Variants in RIPOR3 observed in about 807,000 individuals in gnomAD.
RIPOR3 encodes the protein family with sequence similarity 65 member C.
RIPOR3 carries 95 observed loss-of-function variants against 114.3 expected under a neutral mutation model. The observed-to-expected ratio is 0.83, with a 90% confidence interval of 0.70 to 0.99. RIPOR3 has a LOEUF of 0.99. RIPOR3 is among the 50% of genes least tolerant of loss of function. RIPOR3 has a pLI of 0.00. For synonymous variants in RIPOR3, 575 were observed against 543.8 expected (o/e 1.06, Z -0.80); for missense variants, 1,252 against 1,266.9 (o/e 0.99, Z 0.18).
chr20:50,620,135 G>C lies in RIPOR3; in HGVS notation c.123-3C>G. 1 of 1,613,552 alleles carries C rather than the reference G, an allele frequency of 6.2e-7. No homozygotes were observed. Among genetic ancestry groups the C allele is most frequent in the Non-Finnish European group, 8.5e-7 (1 of 1,179,924 alleles). On this transcript the variant is annotated splice_region_variant and splice_polypyrimidine_tract_variant and intron_variant, in intron 2 of 21. Transcript: ENST00000327979. The stretch of plus-strand genomic sequence containing the variant: ...CGGAGTTCCTGTTGATGGACTTTCT[G>C]TGAGAAGGGTTGGAGGGCAAGAGAA...
At position 50,604,675 on chromosome 20, in the gene RIPOR3, G is replaced by A. The variant is rs1257374811; in HGVS notation, c.1056C>T (p.Ser352=). The A allele has an allele frequency of 5.6e-6, 9 of 1,609,088 alleles. No individual in the cohort carries two copies. Among genetic ancestry groups the A allele is most frequent in the Non-Finnish European group, 7.6e-6 (9 of 1,178,124 alleles). The change falls in exon 12 of 22, where the codon AGC becomes AGT. Residue 352 remains serine (S), a synonymous_variant. Coordinates refer to ENST00000327979, the MANE Select transcript of RIPOR3 (RefSeq NM_001290268.2). Reference sequence around the variant, plus strand: ...AGTATCTCTCCCGGAAGCTGGGGGTGCTCGGGGGTGTCCAGTTGTACAAGG... The same window carrying A: ...AGTATCTCTCCCGGAAGCTGGGGGTACTCGGGGGTGTCCAGTTGTACAAGG... The part of the protein sequence containing the change: ...KGSLYNWTPP[S]TPSFRERYYL...
intron 13 of RIPOR3, among the ~76,000 whole-genome samples, chr20:50,600,908 CT>C (rs34436866): frequency 4.6e-5 from 7 of 152,172 alleles, no homozygotes; most frequent in Non-Finnish European, 8.8e-5. Flanking sequence ...AGAAATTAAA[CT>C]TTTTTTCCCC....
intron 1 of RIPOR3, chr20:50,653,105 C>G (rs1192980536): frequency 6.6e-6 from 1 of 152,108 alleles, no homozygotes; most frequent in African/African-American, 2.4e-5. Context: ...GACAGCCATA[C>G]AAAGGGACAC....
At chr20:50,610,424 A>G (rs1369218921) in intron 6 of RIPOR3, among the ~76,000 whole-genome samples, 2 of 152,190 alleles carry the variant, frequency 1.3e-5, no homozygotes, top group African/African-American at 4.8e-5. Flanking sequence ...TGTGGGGAGT[A>G]AAGCAAGATC....
rs200645158 is a variant in RIPOR3 at position 50,587,835 on chromosome 20, G to C, written c.2719C>G (p.Arg907Gly). 1.2e-6 allele frequency: 2 copies of C among 1,614,164 alleles called. No homozygotes were observed. The highest frequency in any genetic ancestry group is 8.5e-7 in the Non-Finnish European group (1 of 1,180,032). Residue 907 changes from arginine (R) to glycine (G), a missense_variant, in exon 21 of 22, where the codon CGG (arginine) becomes GGG (glycine). Coordinates refer to ENST00000327979, the MANE Select transcript of RIPOR3 (RefSeq NM_001290268.2). Reference sequence around the variant, plus strand: ...AGTGTGGTTTCCCGGGCTGCCGCCCGCACGGCCTCCAGGTCAGACTGGCAC... The same window carrying C: ...AGTGTGGTTTCCCGGGCTGCCGCCCCCACGGCCTCCAGGTCAGACTGGCAC... ...SLCQSDLEAVRAAARETTLSF... is the reference protein window; with the variant it reads ...SLCQSDLEAVGAAARETTLSF...
At chr20:50,650,972 GT>G (rs1222677736) in intron 1 of RIPOR3, among the ~76,000 whole-genome samples, 2 of 151,510 alleles carry the variant, frequency 1.3e-5, no homozygotes, top group Non-Finnish European at 2.9e-5. Flanking sequence ...CTGGCTTTTT[GT>G]TTTTTGTTTT....
intron 4 of RIPOR3, among the ~76,000 whole-genome samples, chr20:50,614,087 G>A (rs1461798111): frequency 6.6e-6 from 1 of 152,182 alleles, no homozygotes; most frequent in African/African-American, 2.4e-5. Flanking sequence ...CCAGGCTGGT[G>A]TGCAGTGGTA....
chr20:50,668,936 A>G (rs1009976353), intron 1 of RIPOR3, among the ~76,000 whole-genome samples: 4 of 151,976 alleles, frequency 2.6e-5, no homozygotes, highest in African/African-American at 7.3e-5. Context: ...CATGCACATG[A>G]CATGCATTCA....
At position 50,611,044 on chromosome 20, in the gene RIPOR3, G is replaced by C. The variant is rs879135387; in HGVS notation, c.372+137C>G. 9.2e-5 allele frequency: 141 copies of C among 1,530,760 alleles called. 1 individual carries two copies. In the South Asian group the frequency reaches 1.5e-3, roughly 17 times the overall value. 94.8% of individuals were successfully genotyped at this position (1,530,760 alleles called of 1,614,324 possible). A position where few individuals can be genotyped will look rare whatever the true frequency, so the allele number is the denominator to read the frequency against. ...ATCCCTGAGGAAGGCTCATCGCAGA[G>C]ACTCAGCCTTCCCATTCCTAAAATG... On this transcript the variant is annotated intron_variant, in intron 5 of 21. Coordinates refer to ENST00000327979, the MANE Select transcript of RIPOR3 (RefSeq NM_001290268.2).
At chr20:50,618,939 G>A (rs899418445) in intron 3 of RIPOR3, among the ~76,000 whole-genome samples, 18 of 152,220 alleles carry the variant, frequency 1.2e-4, no homozygotes, top group African/African-American at 4.1e-4. Flanking sequence ...GGCTGGGCGC[G>A]GTAGCTCACA....
At chr20:50,683,712 C>T (rs892875749) in intron 1 of RIPOR3, among the ~76,000 whole-genome samples, 10 of 151,948 alleles carry the variant, frequency 6.6e-5, no homozygotes, top group Non-Finnish European at 8.8e-5. Flanking sequence ...CTGCCTCGGC[C>T]TCCCAAAGTA....
chr20:50,643,779 C>T (rs1376823723), intron 1 of RIPOR3, among the ~76,000 whole-genome samples: 2 of 149,088 alleles, frequency 1.3e-5, no homozygotes, highest in African/African-American at 4.9e-5. Context: ...AATCTCGGCT[C>T]ACTGCAAGCT....
chr20:50,640,045 C>T (rs2085132138), intron 1 of RIPOR3, among the ~76,000 whole-genome samples: 1 of 150,858 alleles, frequency 6.6e-6, no homozygotes, highest in African/African-American at 2.5e-5. Flanking sequence ...GCATAATTTT[C>T]CATGGGCGAA....
chr20:50,641,876 C>T (rs897697346), intron 1 of RIPOR3, among the ~76,000 whole-genome samples: 1 of 152,212 alleles, frequency 6.6e-6, no homozygotes, highest in South Asian at 2.1e-4. Context: ...TTACTTAACC[C>T]TCCCAATGCA....
rs766951532 is a variant in RIPOR3, at chr20:50,602,107, C to A, written c.1624G>T (p.Glu542Ter). 2.7e-5 allele frequency: 43 copies of A among 1,599,344 alleles called. No individual in the cohort carries two copies. The highest frequency in any genetic ancestry group is 3.5e-5 in the Non-Finnish European group (41 of 1,172,650). The change falls in exon 13 of 22, where the codon GAG (glutamate) becomes TAG (stop). Residue 542 changes from glutamate (E) to a stop codon, truncating the protein, a stop_gained. Transcript: ENST00000327979. LOFTEE classifies it high-confidence loss of function. This position sits in a 1 kb window ranked among gnomAD's most constrained non-coding sequence, Gnocchi z 4.3. Reference protein sequence around the residue: ...DSTQPQLRELEYQVLGFRDRL... With the variant: ...DSTQPQLREL Reference sequence around the variant, plus strand: ...TCCCGGAAGCCGAGGACCTGGTACTCCAGCTCCCGGAGCTGGGGCTGGGTG... The same window carrying A: ...TCCCGGAAGCCGAGGACCTGGTACTACAGCTCCCGGAGCTGGGGCTGGGTG...
intron 20 of RIPOR3, 46 bp from the exon 21 acceptor site, chr20:50,587,938 A>G (rs753414409): frequency 5.0e-6 from 8 of 1,587,088 alleles, no homozygotes; most frequent in African/African-American, 1.4e-5. Flanking sequence ...GGCCTTCTCA[A>G]CAGCAGGTAG....
intron 1 of RIPOR3, among the ~76,000 whole-genome samples, chr20:50,682,612 A>ATGTGTGTGTGTGTG (rs71190593): frequency 0.011 from 1,552 of 146,892 alleles, 11 homozygotes; most frequent in Middle Eastern, 0.021. Context: ...GTCTCAAAAT[A>ATGTGTGTGTGTGTG]TGTGTGTGTG....
chr20:50,622,425 A>G (rs982814558), intron 2 of RIPOR3, among the ~76,000 whole-genome samples: 1 of 151,762 alleles, frequency 6.6e-6, no homozygotes, highest in Non-Finnish European at 1.5e-5. Context: ...CAAATGATCC[A>G]CCTGCCTCAG....
At chr20:50,678,472 G>C (rs1354275484) in intron 1 of RIPOR3, among the ~76,000 whole-genome samples, 1 of 152,122 alleles carries the variant, frequency 6.6e-6, no homozygotes, top group African/African-American at 2.4e-5. Flanking sequence ...ATCTCTCCTC[G>C]TTCTGCAGGC....
Sources: gnomAD v4.1 joint callset for allele counts (sites outside exome capture counted in the v4.1 genomes callset) on GRCh38, gnomAD v4.1.1 for gene constraint, Gnocchi (gnomAD v3.1) non-coding constraint, MANE v1.5 for transcripts, NCBI Gene and HGNC (gene_info 2026-07-23, HGNC 2026-07-21) for gene names.